UNC5C: variants seen among roughly 807,000 people sequenced by gnomAD.
The protein encoded by UNC5C is netrin receptor UNC5C.
In UNC5C, 47 loss-of-function variants were observed where a neutral mutation model predicts 99.8. The ratio of observed to expected loss-of-function variants is 0.47; its 90% CI spans 0.37 to 0.60. The LOEUF is 0.60. UNC5C is among the 20% of genes least tolerant of loss of function. The probability of loss-of-function intolerance (pLI) is 0.00; values close to 1 mark genes in which losing one functional copy is unlikely to be tolerated. For synonymous variants in UNC5C, 487 were observed against 452.2 expected (o/e 1.08, Z -0.98); for missense variants, 1,062 against 1,165.9 (o/e 0.91, Z 1.30).
intron 7 of UNC5C, among the ~76,000 whole-genome samples, chr4:95,222,730 A>G (rs1439240709): frequency 6.6e-6 from 1 of 152,094 alleles, no homozygotes; most frequent in East Asian, 1.9e-4. Context: ...ACCTGTCATC[A>G]TTGGTCAAAG....
At chr4:95,342,660 G>A (rs1048850994) in intron 1 of UNC5C, among the ~76,000 whole-genome samples, 6 of 151,702 alleles carry the variant, frequency 4.0e-5, no homozygotes, top group African/African-American at 1.5e-4. Flanking sequence ...AGAGTAAAAG[G>A]GAGTTTGTCT....
rs544088418 is a variant in UNC5C, at chr4:95,347,718, AAACT to A, written c.125-12091_125-12088del. ...CTGGGTATCCGTAGGCAGAAGAAGG[AAACT>A]AGACCCCTATCTCTCACCATATACA... On this transcript the variant is annotated intron_variant, in intron 1 of 15. Transcript: ENST00000453304. Among the ~76,000 whole-genome samples the A allele has an allele frequency of 2.4e-4, 37 of 152,264 alleles. No individual in the cohort carries two copies. The East Asian group carries it at 6.8e-3, about 28-fold the overall frequency.
chr4:95,410,684 A>G (rs1195539591), intron 1 of UNC5C, among the ~76,000 whole-genome samples: 1 of 152,208 alleles, frequency 6.6e-6, no homozygotes, highest in Non-Finnish European at 1.5e-5. Context: ...GGCAGAAATC[A>G]GGGCAATTAT....
intron 10 of UNC5C, 96 bp from the exon 11 acceptor site, chr4:95,206,892 T>C: frequency 2.3e-6 from 2 of 851,720 alleles, no homozygotes. Flanking sequence ...AGTAGTTTTC[T>C]CCTGGAATTC....
intron 1 of UNC5C, among the ~76,000 whole-genome samples, chr4:95,377,127 C>G (rs1744917612): frequency 6.6e-6 from 1 of 152,066 alleles, no homozygotes. Context: ...GAAAAGAAAA[C>G]CAAACAACAA....
chr4:95,271,922 T>A (rs1005034874), intron 4 of UNC5C, among the ~76,000 whole-genome samples: 3 of 152,168 alleles, frequency 2.0e-5, no homozygotes, highest in Admixed American at 2.0e-4. Flanking sequence ...GGCCTCCTTT[T>A]TAACCCTGTA....
rs143191878 is a variant in UNC5C at position 95,474,046 on chromosome 4, C to T, written c.124+74688G>A. On this transcript the variant is annotated intron_variant, in intron 1 of 15. Transcript: ENST00000453304. ...ATATAATCAAATTCCTTGCTTATAT[C>T]ACCTAAACTTTCAATGATAAATTCT... Among the ~76,000 whole-genome samples the T allele has an allele frequency of 3.9e-5, 6 of 152,216 alleles. No individual in the cohort carries two copies. In the East Asian group the frequency reaches 1.2e-3, roughly 29 times the overall value.
intron 1 of UNC5C, among the ~76,000 whole-genome samples, chr4:95,414,362 C>T (rs180792582): frequency 6.6e-6 from 1 of 152,328 alleles, no homozygotes. Flanking sequence ...CTCTATGCTG[C>T]CAACACCTCC....
intron 14 of UNC5C, among the ~76,000 whole-genome samples, chr4:95,175,787 G>T (rs1313565617): frequency 1.3e-5 from 2 of 152,094 alleles, no homozygotes; most frequent in Admixed American, 6.5e-5. Flanking sequence ...CTGAGTGTTG[G>T]CCTGCCTTGC....
At chr4:95,281,376 T>TCATGC (rs758125988) in intron 3 of UNC5C, among the ~76,000 whole-genome samples, 18 of 152,176 alleles carry the variant, frequency 1.2e-4, no homozygotes, top group Non-Finnish European at 2.1e-4. Flanking sequence ...TGAGGTGTGC[T>TCATGC]TATGAAAAGC....
intron 14 of UNC5C, among the ~76,000 whole-genome samples, chr4:95,182,384 A>G (rs1362428361): frequency 6.6e-6 from 1 of 152,050 alleles, no homozygotes; most frequent in Non-Finnish European, 1.5e-5. Flanking sequence ...AGATCAAGAG[A>G]TTTCTCCTTT....
intron 1 of UNC5C, among the ~76,000 whole-genome samples, chr4:95,531,576 T>A (rs561605795): frequency 4.5e-4 from 68 of 152,368 alleles, no homozygotes; most frequent in African/African-American, 1.4e-3. Flanking sequence ...CACCTTATAA[T>A]GATACATTTC....
At chr4:95,464,584 A>T (rs1346790746) in intron 1 of UNC5C, among the ~76,000 whole-genome samples, 1 of 152,234 alleles carries the variant, frequency 6.6e-6, no homozygotes, top group East Asian at 1.9e-4. Flanking sequence ...ACAAGAATGC[A>T]TAATTAAATA....
chr4:95,455,029 T>C (rs1378199575), intron 1 of UNC5C, among the ~76,000 whole-genome samples: 1 of 152,122 alleles, frequency 6.6e-6, no homozygotes, highest in East Asian at 1.9e-4. Context: ...TATACTGCTC[T>C]CTTAATGTTA....
chr4:95,491,704 T>A (rs1399522241), intron 1 of UNC5C, among the ~76,000 whole-genome samples: 1 of 151,632 alleles, frequency 6.6e-6, no homozygotes, highest in African/African-American at 2.4e-5. Context: ...AAATTATAAC[T>A]ATCAATTATA....
rs146983877 is a variant in UNC5C, at chr4:95,254,230, A to C, written c.595-3563T>G. The stretch of plus-strand genomic sequence containing the variant: ...CTTATAGTCACTTTATCTAAAGCAT[A>C]ATTTCTGAAGAGTTTAATAACCACA... On this transcript the variant is annotated intron_variant, in intron 4 of 15. Coordinates refer to ENST00000453304, the MANE Select transcript of UNC5C (RefSeq NM_003728.4). Among the ~76,000 whole-genome samples the C allele has an allele frequency of 3.7e-3, 567 of 152,200 alleles. 1 individual carries two copies. Among genetic ancestry groups the C allele is most frequent in the African/African-American group, 0.013 (538 of 41,520 alleles).
chr4:95,271,234 T>TTA (rs201169117), intron 4 of UNC5C, among the ~76,000 whole-genome samples: 1,819 of 114,816 alleles, frequency 0.016, 31 homozygotes, highest in African/African-American at 0.046. Context: ...TTTTATTTAT[T>TTA]TTTTTTTTTT....
rs111589111 is a variant in UNC5C, at chr4:95,184,797, GA to G, written c.2286+249del. ...AGTATGAAAATTAATTGAAATGATG[GA>G]TTTGGAAGCCTTTCATTTATTAAAA... On this transcript the variant is annotated intron_variant, in intron 13 of 15. Coordinates refer to ENST00000453304, the MANE Select transcript of UNC5C (RefSeq NM_003728.4). Among the ~76,000 whole-genome samples, 323 of 152,206 alleles carry G rather than the reference GA, an allele frequency of 2.1e-3. 3 individuals carry two copies. The highest frequency in any genetic ancestry group is 7.5e-3 in the African/African-American group (313 of 41,554).
chr4:95,493,429 C>T (rs559862311), intron 1 of UNC5C, among the ~76,000 whole-genome samples: 21 of 151,344 alleles, frequency 1.4e-4, no homozygotes, highest in East Asian at 3.9e-4. Flanking sequence ...AATTGCGAAC[C>T]GAAGTTTTAT....
Sources: allele counts gnomAD v4.1 joint callset (sites outside exome capture counted in the v4.1 genomes callset), GRCh38; gene constraint gnomAD v4.1.1; transcripts MANE v1.5; gene names NCBI Gene and HGNC (gene_info 2026-07-23, HGNC 2026-07-21).